The following ADGRB3 variants were observed in gnomAD, a reference collection of about 807,000 sequenced individuals.
ADGRB3 encodes the protein adhesion G protein-coupled receptor B3.
Under a neutral mutation model 193.4 loss-of-function variants are expected in ADGRB3, and 37 were observed. The observed-to-expected ratio is 0.19, with a 90% CI of 0.15 to 0.25. The LOEUF (loss-of-function observed/expected upper bound fraction) is 0.25. ADGRB3 is among the 10% of genes least tolerant of loss of function. The pLI, the probability that ADGRB3 is intolerant of heterozygous loss-of-function variation, is 1.00. For synonymous variants in ADGRB3, 690 were observed against 644.2 expected, an observed-to-expected ratio of 1.07 and a Z score of -1.08; for missense variants, 1,637 against 1,852.9, an observed-to-expected ratio of 0.88 and a Z score of 2.14.
chr6:68,722,609 T>C (rs1196226206), intron 3 of ADGRB3, among the ~76,000 whole-genome samples: 1 of 151,348 alleles, frequency 6.6e-6, no homozygotes, highest in African/African-American at 2.4e-5. Flanking sequence ...CTTTTTCTTT[T>C]TTTTTTTTAA....
chr6:69,380,267 A>G (rs1323771940), intron 30 of ADGRB3, among the ~76,000 whole-genome samples: 1 of 152,008 alleles, frequency 6.6e-6, no homozygotes, highest in Admixed American at 6.6e-5. Flanking sequence ...AAGGGGATGG[A>G]ATAATTCACC....
At chr6:68,643,557 C>A (rs528692060) in intron 3 of ADGRB3, among the ~76,000 whole-genome samples, 1 of 146,664 alleles carries the variant, frequency 6.8e-6, no homozygotes, top group Non-Finnish European at 1.5e-5. Context: ...TTTGCCCTGT[C>A]CCTGTGCTGG....
chr6:69,069,553 C>CAAAAAAAAAAACAAAAAAAAAAAAAAAA, intron 16 of ADGRB3, among the ~76,000 whole-genome samples: 1 of 31,792 alleles, frequency 3.1e-5, no homozygotes, highest in Non-Finnish European at 4.9e-5. Flanking sequence ...ACTAAAAATA[C>CAAAAAAAAAAACAAAAAAAAAAAAAAAA]AAAAAAAAAA....
chr6:69,137,078 A>ATTTG (rs1193270145), intron 17 of ADGRB3, among the ~76,000 whole-genome samples: 135 of 121,114 alleles, frequency 1.1e-3, no homozygotes, highest in East Asian at 1.7e-3. Flanking sequence ...TTTTTTTTTA[A>ATTTG]TGGTAAGATC....
At chr6:69,106,966 G>A (rs1032864368) in intron 17 of ADGRB3, among the ~76,000 whole-genome samples, 4 of 152,100 alleles carry the variant, frequency 2.6e-5, no homozygotes, top group Admixed American at 6.5e-5. Context: ...GACCAGTGCC[G>A]TTAGTTCACT....
rs376709828 is a variant in ADGRB3, at chr6:68,796,090, A to G, written c.758-134469A>G. Among the ~76,000 whole-genome samples the G allele has an allele frequency of 3.9e-5, 6 of 152,254 alleles. No individual in the cohort carries two copies. In the South Asian group the frequency reaches 6.2e-4, roughly 16 times the overall value. On this transcript the variant is annotated intron_variant, in intron 3 of 31. Transcript: ENST00000370598. ...GAACCAAGTATATTTTAGTTCAAAT[A>G]TTTCTCTGCAACTTGGTTTTTGAAT...
intron 3 of ADGRB3, among the ~76,000 whole-genome samples, chr6:68,805,230 T>C (rs1767380650): frequency 6.6e-6 from 1 of 152,214 alleles, no homozygotes; most frequent in Non-Finnish European, 1.5e-5. Flanking sequence ...TGTGAGCCAC[T>C]GTGCTCAGCC....
At chr6:69,124,146 A>G (rs1773792171) in intron 17 of ADGRB3, among the ~76,000 whole-genome samples, 1 of 150,900 alleles carries the variant, frequency 6.6e-6, no homozygotes, top group African/African-American at 2.4e-5. Context: ...ACGTATCTTT[A>G]TCTTTATATT....
At chr6:68,927,120 A>T (rs1239712934) in intron 3 of ADGRB3, among the ~76,000 whole-genome samples, 1 of 152,076 alleles carries the variant, frequency 6.6e-6, no homozygotes, top group South Asian at 2.1e-4. Flanking sequence ...CAACATAAAG[A>T]TATAGGAAAT....
intron 3 of ADGRB3, among the ~76,000 whole-genome samples, chr6:68,907,594 C>A (rs2150235734): frequency 6.6e-6 from 1 of 151,924 alleles, no homozygotes; most frequent in African/African-American, 2.4e-5. Flanking sequence ...AGAGTTGATA[C>A]ATTTCAGACT....
At chr6:69,069,761 A>G (rs1772023961) in intron 16 of ADGRB3, among the ~76,000 whole-genome samples, 1 of 149,820 alleles carries the variant, frequency 6.7e-6, no homozygotes, top group Non-Finnish European at 1.5e-5. Context: ...GAAAGAAAGA[A>G]AAGAAAAAAA....
At chr6:68,808,473 G>T in intron 3 of ADGRB3, among the ~76,000 whole-genome samples, 1 of 148,824 alleles carries the variant, frequency 6.7e-6, no homozygotes. Context: ...CTATGTTTCA[G>T]TTATTTTCAA....
chr6:68,857,100 G>C (rs1418536989), intron 3 of ADGRB3, among the ~76,000 whole-genome samples: 1 of 152,226 alleles, frequency 6.6e-6, no homozygotes, highest in Admixed American at 6.5e-5. Flanking sequence ...GATTTCAAAA[G>C]ATGTATGGAA....
At chr6:69,040,257 C>T (rs73467737) in intron 13 of ADGRB3, among the ~76,000 whole-genome samples, 1,547 of 151,996 alleles carry the variant, frequency 0.01, 25 homozygotes, top group African/African-American at 0.033. Flanking sequence ...CTGTCTTCAT[C>T]GCTTTCCCCC....
intron 3 of ADGRB3, among the ~76,000 whole-genome samples, chr6:68,756,055 C>T (rs1766293180): frequency 6.6e-6 from 1 of 152,102 alleles, no homozygotes; most frequent in Non-Finnish European, 1.5e-5. Context: ...TATATGTGTT[C>T]TCTAAGTCTA....
chr6:68,760,350 G>T (rs1055513376), intron 3 of ADGRB3, among the ~76,000 whole-genome samples: 3 of 152,206 alleles, frequency 2.0e-5, no homozygotes, highest in Non-Finnish European at 4.4e-5. Context: ...CTAGTAGCTA[G>T]TTGGATAGAG....
chr6:68,879,018 C>T (rs1765665125), intron 3 of ADGRB3, among the ~76,000 whole-genome samples: 1 of 152,028 alleles, frequency 6.6e-6, no homozygotes, highest in Non-Finnish European at 1.5e-5. Context: ...TTTCACAGTG[C>T]ATGGGAATTA....
In ADGRB3 at chr6:69,250,646, A is replaced by G. The variant is rs981882529; in HGVS notation, c.2814+11420A>G. Among the ~76,000 whole-genome samples, 4 of 152,294 alleles carry G rather than the reference A, an allele frequency of 2.6e-5. No homozygotes were observed. In the East Asian group the frequency reaches 7.7e-4, roughly 29 times the overall value. ...GATGTGTCGGAGCCACAGGAACCCA[A>G]GGTTTGCTTGGAGCTGGAAGGATCT... On this transcript the variant is annotated intron_variant, in intron 20 of 31. Transcript: ENST00000370598.
At chr6:69,193,657 T>G (rs1765242981) in intron 17 of ADGRB3, among the ~76,000 whole-genome samples, 1 of 152,096 alleles carries the variant, frequency 6.6e-6, no homozygotes, top group African/African-American at 2.4e-5. Flanking sequence ...TTAGAACACC[T>G]GGGTTCTATC....
Sources: allele counts gnomAD v4.1 joint callset (sites outside exome capture counted in the v4.1 genomes callset), GRCh38; gene constraint gnomAD v4.1.1; transcripts MANE v1.5; gene names NCBI Gene and HGNC (gene_info 2026-07-23, HGNC 2026-07-21).